The following MAD1L1 variants were observed in gnomAD, a reference collection of about 807,000 sequenced individuals.
MAD1L1 encodes mitotic spindle assembly checkpoint protein MAD1.
Under a neutral mutation model 96.9 loss-of-function variants are expected in MAD1L1, and 95 were observed. The observed-to-expected ratio is 0.98, with a 90% CI of 0.83 to 1.16. The LOEUF (loss-of-function observed/expected upper bound fraction) is 1.16, where lower values mean the gene tolerates loss of function less well. Among genes scored for constraint, MAD1L1 ranks in the 50% most tolerant of loss-of-function variants. The pLI, the probability that MAD1L1 is intolerant of heterozygous loss-of-function variation, is 0.00. For missense variants in MAD1L1, 1,007 were observed against 954.4 expected, an observed-to-expected ratio of 1.06 and a Z score of -0.73; for synonymous variants, 473 against 396.6, an observed-to-expected ratio of 1.19 and a Z score of -2.29.
chr7:1,984,087 C>T (rs1378093136), intron 14 of MAD1L1, among the ~76,000 whole-genome samples: 1 of 152,166 alleles, frequency 6.6e-6, no homozygotes, highest in African/African-American at 2.4e-5. Flanking sequence ...AGGTGGTTCC[C>T]ACAGGCTCTG....
chr7:2,135,599 T>A (rs947896881), intron 11 of MAD1L1, among the ~76,000 whole-genome samples: 3 of 152,208 alleles, frequency 2.0e-5, no homozygotes, highest in Admixed American at 2.0e-4. Flanking sequence ...GACTGACAAG[T>A]GAGGGCAATG....
intron 12 of MAD1L1, among the ~76,000 whole-genome samples, chr7:2,063,016 A>T (rs1283121167): frequency 6.6e-6 from 1 of 152,242 alleles, no homozygotes; most frequent in Non-Finnish European, 1.5e-5. Context: ...GTTTAAAGAT[A>T]TACACACAAT....
chr7:1,888,510 G>A (rs900759382), intron 18 of MAD1L1, among the ~76,000 whole-genome samples: 62 of 148,926 alleles, frequency 4.2e-4, no homozygotes, highest in African/African-American at 1.1e-3. Context: ...CTGCCTGTTC[G>A]TGTGTGTGCA....
chr7:1,913,877 C>G (rs1304511234), intron 17 of MAD1L1, among the ~76,000 whole-genome samples: 5 of 152,172 alleles, frequency 3.3e-5, no homozygotes, highest in African/African-American at 7.2e-5. Context: ...ACGCCACAGA[C>G]TCAGTCATGC....
chr7:2,224,638 G>C (rs985778048), intron 4 of MAD1L1, among the ~76,000 whole-genome samples: 1 of 152,180 alleles, frequency 6.6e-6, no homozygotes, highest in Non-Finnish European at 1.5e-5. Context: ...CCCGCCAAGA[G>C]AGGGCACGGA....
intron 12 of MAD1L1, among the ~76,000 whole-genome samples, chr7:2,060,599 G>A (rs145378518): frequency 1.1e-4 from 17 of 152,164 alleles, no homozygotes; most frequent in African/African-American, 3.6e-4. Flanking sequence ...AGGCAACGAC[G>A]ACAGCATGGA....
chr7:2,071,791 A>G (rs1183809812), intron 11 of MAD1L1, among the ~76,000 whole-genome samples: 1 of 151,668 alleles, frequency 6.6e-6, no homozygotes, highest in Non-Finnish European at 1.5e-5. Flanking sequence ...TCAAAACCCA[A>G]AGGTTTTCCA....
chr7:2,219,000 C>T (rs530841187), intron 6 of MAD1L1, among the ~76,000 whole-genome samples: 3 of 152,254 alleles, frequency 2.0e-5, no homozygotes, highest in African/African-American at 7.2e-5. Context: ...GTTGAGGCTA[C>T]AGTGAGCCAT....
intron 13 of MAD1L1, among the ~76,000 whole-genome samples, chr7:2,009,108 G>A (rs1782172688): frequency 6.6e-6 from 1 of 152,222 alleles, no homozygotes; most frequent in African/African-American, 2.4e-5. Context: ...GCTCTTTCCG[G>A]GTGGGACCAC....
In MAD1L1 at chr7:2,225,560, T is replaced by A; in HGVS notation, c.151-10A>T. 1.9e-6 allele frequency: 3 copies of A among 1,612,614 alleles called. No homozygotes were observed. The highest frequency in any genetic ancestry group is 2.5e-6 in the Non-Finnish European group (3 of 1,179,950). Reference sequence around the variant, plus strand: ...CTGCTCTTTCCTCCAGCTGAGCAGGTCGCACCCAAAGAAAAACAGAATCCT... The same window carrying A: ...CTGCTCTTTCCTCCAGCTGAGCAGGACGCACCCAAAGAAAAACAGAATCCT... On this transcript the variant is annotated splice_polypyrimidine_tract_variant and intron_variant, in intron 3 of 18. Coordinates refer to ENST00000265854, the MANE Select transcript of MAD1L1 (RefSeq NM_001013836.2).
intron 12 of MAD1L1, among the ~76,000 whole-genome samples, chr7:2,022,975 C>G (rs954504866): frequency 6.6e-6 from 1 of 152,188 alleles, no homozygotes; most frequent in Non-Finnish European, 1.5e-5. Context: ...AAGGTCATTT[C>G]TCCAAGAAGA....
intron 15 of MAD1L1, among the ~76,000 whole-genome samples, chr7:1,976,835 G>A (rs1451280834): frequency 1.3e-5 from 2 of 152,152 alleles, no homozygotes; most frequent in Non-Finnish European, 2.9e-5. Flanking sequence ...CGAACCTTGA[G>A]CTAGACACAG....
At chr7:2,067,056 C>T (rs948239557) in intron 12 of MAD1L1, among the ~76,000 whole-genome samples, 3 of 152,200 alleles carry the variant, frequency 2.0e-5, no homozygotes, top group African/African-American at 4.8e-5. Flanking sequence ...AAGTGCTGCC[C>T]GCCTGGCCGG....
chr7:1,891,112 G>A (rs559815032), intron 18 of MAD1L1, among the ~76,000 whole-genome samples: 12 of 152,300 alleles, frequency 7.9e-5, no homozygotes, highest in South Asian at 4.1e-4. Context: ...GCGACACCCC[G>A]GGCCAGCACA....
chr7:2,116,560 A>G (rs1401186343), intron 11 of MAD1L1, among the ~76,000 whole-genome samples: 1 of 24,816 alleles, frequency 4.0e-5, no homozygotes, highest in Non-Finnish European at 9.0e-5. Context: ...GTGGCAGGCC[A>G]GAGGGTTGGG....
rs1489019900 is a variant in MAD1L1, at chr7:2,142,567, C to A, written c.1073+6585G>T. 6.6e-6 allele frequency among the ~76,000 whole-genome samples: 1 copy of A among 152,196 alleles called. No individual in the cohort carries two copies. The highest frequency in any genetic ancestry group is 1.5e-5 in the Non-Finnish European group (1 of 68,026). ...GCCCACGGTGAAGGGCACGGTGCCA[C>A]CCAGAGCTCCTGGCGCGTGCCCTGC... On this transcript the variant is annotated intron_variant, in intron 11 of 18. Coordinates refer to ENST00000265854, the MANE Select transcript of MAD1L1 (RefSeq NM_001013836.2). This position sits in a 1 kb window ranked among gnomAD's most constrained non-coding sequence, Gnocchi z 4.7.
At position 1,822,727 on chromosome 7, in the gene MAD1L1, A is replaced by AGT. The variant is rs1280603376; in HGVS notation, c.1999-6500_1999-6499insAC. Among the ~76,000 whole-genome samples, 797 of 134,552 alleles carry AGT rather than the reference A, an allele frequency of 5.9e-3. 8 individuals are homozygous for AGT. The highest frequency in any genetic ancestry group is 0.021 in the African/African-American group (755 of 36,364). 88.3% of individuals were successfully genotyped at this position (134,552 alleles called of 152,430 possible). On this transcript the variant is annotated intron_variant, in intron 18 of 18. Transcript: ENST00000265854. ...GCGTGAGCCACCATGCCCGGCCAGC[A>AGT]TTTTTTTTTTTTTTTTTTGGTAGAG...
At chr7:1,888,267 C>G (rs987706145) in intron 18 of MAD1L1, among the ~76,000 whole-genome samples, 6 of 101,468 alleles carry the variant, frequency 5.9e-5, no homozygotes, top group Non-Finnish European at 1.1e-4. Flanking sequence ...TGCATGGGTG[C>G]AGCTGCCTGT....
intron 10 of MAD1L1, among the ~76,000 whole-genome samples, chr7:2,191,826 T>G (rs550619517): frequency 8.6e-5 from 13 of 151,760 alleles, no homozygotes; most frequent in African/African-American, 3.1e-4. Context: ...AGGTCAGGAG[T>G]TCGAGATCAG....
Sources: allele counts gnomAD v4.1 joint callset (sites outside exome capture counted in the v4.1 genomes callset), GRCh38; gene constraint gnomAD v4.1.1; non-coding constraint Gnocchi (gnomAD v3.1); transcripts MANE v1.5; gene names NCBI Gene and HGNC (gene_info 2026-07-23, HGNC 2026-07-21).